Variants in MALRD1 observed in about 807,000 individuals in gnomAD.
MALRD1 encodes MAM and LDL-receptor class A domain-containing protein 1.
Under a neutral mutation model 242.1 loss-of-function variants are expected in MALRD1, and 247 were observed. That is an observed-to-expected ratio of 1.02 (90% CI 0.92 to 1.13). MALRD1 has a LOEUF of 1.13. MALRD1 is among the 50% of genes most tolerant of loss of function. MALRD1 has a pLI of 0.00. For missense variants in MALRD1, 2,989 were observed against 2,533.1 expected, an observed-to-expected ratio of 1.18 and a Z score of -3.86; for synonymous variants, 995 against 866.6, an observed-to-expected ratio of 1.15 and a Z score of -2.60.
At chr10:19,725,760 G>C (rs1167484086) in intron 38 of MALRD1, among the ~76,000 whole-genome samples, 1 of 152,146 alleles carries the variant, frequency 6.6e-6, no homozygotes, top group African/African-American at 2.4e-5. Flanking sequence ...CAATTGAATT[G>C]AACTGAATTG....
intron 1 of MALRD1, among the ~76,000 whole-genome samples, chr10:19,060,223 C>A (rs1834782663): frequency 6.6e-6 from 1 of 152,110 alleles, no homozygotes; most frequent in South Asian, 2.1e-4. Context: ...GAGCCTTCTG[C>A]CCCATGCAGT....
At chr10:19,073,205 A>G (rs1429621599) in intron 2 of MALRD1, among the ~76,000 whole-genome samples, 1 of 152,106 alleles carries the variant, frequency 6.6e-6, no homozygotes, top group Non-Finnish European at 1.5e-5. Context: ...GTGAGCCACC[A>G]CACCAGGCCT....
At chr10:19,311,119 A>G (rs938825993) in intron 21 of MALRD1, among the ~76,000 whole-genome samples, 2 of 151,650 alleles carry the variant, frequency 1.3e-5, no homozygotes, top group Non-Finnish European at 3.0e-5. Context: ...GAGATACAGT[A>G]ACAATAATAA....
chr10:19,355,163 C>G (rs533418279), intron 26 of MALRD1, among the ~76,000 whole-genome samples: 50 of 151,960 alleles, frequency 3.3e-4, no homozygotes, highest in Non-Finnish European at 5.7e-4. Context: ...TAAGAAAGAA[C>G]AGGGATGGTT....
intron 1 of MALRD1, chr10:19,051,423 T>G (rs1834491113): frequency 6.5e-6 from 1 of 154,718 alleles, no homozygotes; most frequent in Non-Finnish European, 1.5e-5. Context: ...TTAATACATT[T>G]TTGAAAATAA....
chr10:19,226,396 A>G (rs1837802248), intron 18 of MALRD1, among the ~76,000 whole-genome samples: 1 of 152,186 alleles, frequency 6.6e-6, no homozygotes. Flanking sequence ...GAAAGCCTTA[A>G]TACTTTCTAC....
intron 36 of MALRD1, among the ~76,000 whole-genome samples, chr10:19,666,825 C>G (rs1346162672): frequency 1.3e-5 from 2 of 152,134 alleles, no homozygotes; most frequent in African/African-American, 4.8e-5. Context: ...TATAAATCCA[C>G]AAGGGCAGGG....
In MALRD1 at chr10:19,141,539, A is replaced by G. The variant is rs117521184; in HGVS notation, c.1412-4659A>G. 0.015 allele frequency among the ~76,000 whole-genome samples: 2,242 copies of G among 152,260 alleles called. 109 individuals carry two copies. The East Asian group carries it at 0.19, about 13-fold the overall frequency. On this transcript the variant is annotated intron_variant, in intron 10 of 39. Transcript: ENST00000454679. ...ATTGTTAAAATGTTACATTTATGTC[A>G]TGTATATTTTACCACAATAAAATAC... is the stretch of plus-strand genomic sequence containing the variant.
intron 18 of MALRD1, among the ~76,000 whole-genome samples, chr10:19,212,875 A>T (rs1262966127): frequency 1.3e-5 from 2 of 152,200 alleles, no homozygotes; most frequent in Admixed American, 6.5e-5. Context: ...TTTACCAAAC[A>T]AATGTCTACT....
intron 36 of MALRD1, among the ~76,000 whole-genome samples, chr10:19,642,987 G>T (rs1409864555): frequency 6.6e-6 from 1 of 152,104 alleles, no homozygotes; most frequent in Non-Finnish European, 1.5e-5. Flanking sequence ...CTTAATTATT[G>T]TAGTAATTTT....
At chr10:19,081,175 A>G (rs1261944350) in intron 2 of MALRD1, among the ~76,000 whole-genome samples, 1 of 152,136 alleles carries the variant, frequency 6.6e-6, no homozygotes, top group African/African-American at 2.4e-5. Flanking sequence ...GAGAATGTAA[A>G]TTAGTTCAAC....
chr10:19,517,373 T>G (rs1833682232), intron 31 of MALRD1, among the ~76,000 whole-genome samples: 1 of 152,112 alleles, frequency 6.6e-6, no homozygotes. Flanking sequence ...AAGGCAAAAA[T>G]CTCAGGGCAC....
At chr10:19,267,815 G>C (rs1221354774) in intron 19 of MALRD1, among the ~76,000 whole-genome samples, 1 of 151,876 alleles carries the variant, frequency 6.6e-6, no homozygotes, top group East Asian at 1.9e-4. Flanking sequence ...AGATTTCAGG[G>C]GAAAAATAAA....
chr10:19,647,937 A>G (rs1840720791), intron 36 of MALRD1, among the ~76,000 whole-genome samples: 1 of 152,098 alleles, frequency 6.6e-6, no homozygotes, highest in South Asian at 2.1e-4. Flanking sequence ...AAGTCCCATG[A>G]TTTTGCAGAC....
chr10:19,655,159 A>C (rs188833892), intron 36 of MALRD1, among the ~76,000 whole-genome samples: 1 of 152,188 alleles, frequency 6.6e-6, no homozygotes, highest in African/African-American at 2.4e-5. Context: ...AGAAACATGC[A>C]TATGTTGTTT....
At chr10:19,634,766 A>G (rs893258105) in intron 36 of MALRD1, among the ~76,000 whole-genome samples, 6 of 152,200 alleles carry the variant, frequency 3.9e-5, no homozygotes, top group African/African-American at 1.4e-4. Context: ...AAGAAGTCAG[A>G]ACGCTATAAA....
At chr10:19,118,417 A>C (rs1202605313) in intron 5 of MALRD1, among the ~76,000 whole-genome samples, 1 of 152,176 alleles carries the variant, frequency 6.6e-6, no homozygotes, top group Non-Finnish European at 1.5e-5. Context: ...TTGAGTTTAG[A>C]AAGGCAGAAC....
In MALRD1 at chr10:19,617,878, A is replaced by T. The variant is rs367600384; in HGVS notation, c.6137+1955A>T. 1.6e-4 allele frequency among the ~76,000 whole-genome samples: 24 copies of T among 152,184 alleles called. No individual in the cohort carries two copies. The South Asian group carries it at 5.0e-3, about 32-fold the overall frequency. Reference sequence around the variant, plus strand: ...CCAAAATTTATTGAGTTAAATATTTATTAAGTAAGCTCATCATGGGGGATT... The same window carrying T: ...CCAAAATTTATTGAGTTAAATATTTTTTAAGTAAGCTCATCATGGGGGATT... On this transcript the variant is annotated intron_variant, in intron 36 of 39. Coordinates refer to ENST00000454679, the MANE Select transcript of MALRD1 (RefSeq NM_001142308.3).
intron 36 of MALRD1, among the ~76,000 whole-genome samples, chr10:19,689,251 T>G (rs1842725446): frequency 1.3e-5 from 2 of 152,128 alleles, no homozygotes; most frequent in African/African-American, 2.4e-5. Flanking sequence ...TGTGTGTGTA[T>G]CTGTACGTGT....
Sources: gnomAD v4.1 joint callset for allele counts (sites outside exome capture counted in the v4.1 genomes callset) on GRCh38, gnomAD v4.1.1 for gene constraint, MANE v1.5 for transcripts, NCBI Gene and HGNC (gene_info 2026-07-23, HGNC 2026-07-21) for gene names.